The following RFX3 variants were observed in gnomAD, a reference collection of about 807,000 sequenced individuals.
RFX3 encodes the protein transcription factor RFX3.
RFX3 carries 14 observed loss-of-function variants against 98.6 expected under a neutral mutation model. That is an observed-to-expected ratio of 0.14 (90% CI 0.09 to 0.22). The LOEUF (loss-of-function observed/expected upper bound fraction) is 0.22, where lower values mean the gene tolerates loss of function less well. Among genes scored for constraint, RFX3 ranks in the 10% least tolerant of loss-of-function variants. RFX3 has a pLI of 1.00. For synonymous variants in RFX3, 383 were observed against 328.4 expected (o/e 1.17, Z -1.80); for missense variants, 639 against 926.9 (o/e 0.69, Z 4.03).
intron 1 of RFX3, among the ~76,000 whole-genome samples, chr9:3,451,812 A>T (rs1846661842): frequency 6.6e-6 from 1 of 152,042 alleles, no homozygotes; most frequent in Non-Finnish European, 1.5e-5. Flanking sequence ...TTATTCTAAA[A>T]TAAAAAGATG....
chr9:3,288,082 A>G lies in RFX3; in HGVS notation c.851+49T>C, dbSNP rs1416533435. The G allele has an allele frequency of 2.5e-6, 4 of 1,585,434 alleles. 1 individual carries two copies. Among genetic ancestry groups the G allele is most frequent in the Non-Finnish European group, 3.4e-6 (4 of 1,160,262 alleles). On this transcript the variant is annotated intron_variant, in intron 7 of 16. Coordinates refer to ENST00000617270, the MANE Select transcript of RFX3 (RefSeq NM_001282116.2). ...GTTCAGAAAAAAGGAGACCCGAACAACTAAGAAATACATAGCTTGGACACA... is the reference window on the plus strand; with the variant it reads ...GTTCAGAAAAAAGGAGACCCGAACAGCTAAGAAATACATAGCTTGGACACA...
intron 7 of RFX3, among the ~76,000 whole-genome samples, chr9:3,283,411 A>G (rs1826168831): frequency 6.6e-6 from 1 of 151,662 alleles, no homozygotes; most frequent in African/African-American, 2.4e-5. Context: ...TATTTTGCAG[A>G]TGAAGAAACT....
At chr9:3,339,217 G>A (rs1833572774) in intron 3 of RFX3, among the ~76,000 whole-genome samples, 1 of 151,898 alleles carries the variant, frequency 6.6e-6, no homozygotes, top group African/African-American at 2.4e-5. Context: ...AATTTCCAGT[G>A]CTATAATGGT....
chr9:3,396,130 C>T (rs1414369894), intron 1 of RFX3, among the ~76,000 whole-genome samples: 4 of 151,780 alleles, frequency 2.6e-5, no homozygotes, highest in Non-Finnish European at 4.4e-5. Flanking sequence ...TGTTGGTGTG[C>T]TATACCCATT....
chr9:3,328,228 A>G (rs1362885324), intron 4 of RFX3, among the ~76,000 whole-genome samples: 1 of 152,074 alleles, frequency 6.6e-6, no homozygotes. Context: ...ACTGAAAATA[A>G]TTTTCTAGGT....
At chr9:3,254,418 C>T (rs911638796) in intron 14 of RFX3, among the ~76,000 whole-genome samples, 4 of 152,240 alleles carry the variant, frequency 2.6e-5, no homozygotes, top group Admixed American at 6.5e-5. Context: ...TTTGGAACAG[C>T]CAGTCAGTGT....
intron 15 of RFX3, among the ~76,000 whole-genome samples, chr9:3,234,991 T>C (rs1818943010): frequency 1.3e-5 from 2 of 152,110 alleles, no homozygotes; most frequent in Admixed American, 1.3e-4. Context: ...GTGAGAAAAA[T>C]CATCTTCCTC....
At chr9:3,236,267 A>G (rs1586679604) in intron 15 of RFX3, among the ~76,000 whole-genome samples, 4 of 152,306 alleles carry the variant, frequency 2.6e-5, no homozygotes, top group Middle Eastern at 6.8e-3. Flanking sequence ...TAGGCTGTTG[A>G]CACCATACAT....
At chr9:3,468,479 C>G (rs997431835) in intron 1 of RFX3, among the ~76,000 whole-genome samples, 2 of 152,142 alleles carry the variant, frequency 1.3e-5, no homozygotes, top group African/African-American at 4.8e-5. Context: ...CACAACACTG[C>G]TATTTCTTGT....
In RFX3 at chr9:3,257,182, C is replaced by T. The variant is rs1435843836; in HGVS notation, c.1623G>A (p.Val541=). The change falls in exon 14 of 17, where the codon GTG becomes GTA. Residue 541 remains valine, a synonymous_variant. Transcript: ENST00000617270. The stretch of plus-strand genomic sequence containing the variant: ...GAACCATGTTGTCATCACACTGGCA[C>T]ACCCAGGAAGCCTGCTCCTGAGACA... ...FANVQEQASW[V]CQCDDNMVQR... The T allele has an allele frequency of 1.2e-6, 2 of 1,613,812 alleles. No individual in the cohort carries two copies. Among genetic ancestry groups the T allele is most frequent in the Admixed American group, 3.3e-5 (2 of 59,962 alleles).
rs1817204390 is a variant in RFX3, at chr9:3,218,915, A to AG, written c.*6126_*6127insC. The AG allele has an allele frequency of 6.6e-6, 1 of 152,164 alleles. No individual in the cohort carries two copies. 9.4% of individuals were successfully genotyped at this position (152,164 alleles called of 1,614,324 possible). The stretch of plus-strand genomic sequence containing the variant: ...TTTAAATGATGGCACTTAAAAAAAA[A>AG]TACAGTATCTTAAAAAAACACAATG... On this transcript the variant is annotated 3_prime_UTR_variant, in exon 17 of 17. Transcript: ENST00000617270.
At chr9:3,379,766 G>A (rs1004187297) in intron 2 of RFX3, among the ~76,000 whole-genome samples, 15 of 152,246 alleles carry the variant, frequency 9.9e-5, no homozygotes, top group Admixed American at 8.5e-4. Context: ...GTTCTCAGCA[G>A]AGTATGTGAC....
intron 2 of RFX3, among the ~76,000 whole-genome samples, chr9:3,351,731 A>C (rs918485593): frequency 6.6e-6 from 1 of 152,012 alleles, no homozygotes; most frequent in East Asian, 1.9e-4. Context: ...ACATAATCAG[A>C]TAACTTCAAA....
chr9:3,235,371 T>C (rs759827769), intron 15 of RFX3, among the ~76,000 whole-genome samples: 12 of 152,138 alleles, frequency 7.9e-5, no homozygotes, highest in Admixed American at 3.3e-4. Context: ...GAAAAAATAA[T>C]ATACTGGAGG....
chr9:3,478,291 A>G (rs1266329566), intron 1 of RFX3, among the ~76,000 whole-genome samples: 1 of 151,862 alleles, frequency 6.6e-6, no homozygotes, highest in Non-Finnish European at 1.5e-5. Context: ...TATTCCCCTA[A>G]ATTTTTTAAT....
intron 9 of RFX3, among the ~76,000 whole-genome samples, chr9:3,275,012 C>T (rs1320582408): frequency 3.3e-5 from 5 of 151,846 alleles, no homozygotes; most frequent in African/African-American, 7.3e-5. Context: ...CTTTAAATCT[C>T]GAAGTGATCC....
chr9:3,394,609 AT>A (rs1206776498), intron 2 of RFX3, among the ~76,000 whole-genome samples: 2 of 152,240 alleles, frequency 1.3e-5, no homozygotes, highest in African/African-American at 4.8e-5. Flanking sequence ...TCTATCAATT[AT>A]AAAAATGTCC....
intron 1 of RFX3, among the ~76,000 whole-genome samples, chr9:3,479,079 T>C (rs1369054235): frequency 6.6e-6 from 1 of 152,176 alleles, no homozygotes; most frequent in Non-Finnish European, 1.5e-5. Context: ...TCTGCAATAC[T>C]GCCAGCTTTT....
chr9:3,363,803 C>T (rs746185704), intron 2 of RFX3, among the ~76,000 whole-genome samples: 5 of 152,152 alleles, frequency 3.3e-5, no homozygotes, highest in Non-Finnish European at 7.3e-5. Context: ...AGTGTTTCCC[C>T]AAATATGGGA....
Sources: allele counts gnomAD v4.1 joint callset (sites outside exome capture counted in the v4.1 genomes callset), GRCh38; gene constraint gnomAD v4.1.1; transcripts MANE v1.5; gene names NCBI Gene and HGNC (gene_info 2026-07-23, HGNC 2026-07-21).